PRKN: variants seen among roughly 807,000 people sequenced by gnomAD.
PRKN encodes the protein parkin RBR E3 ubiquitin protein ligase.
Under a neutral mutation model 59.5 loss-of-function variants are expected in PRKN, and 56 were observed. The observed-to-expected ratio is 0.94, with a 90% CI of 0.76 to 1.18. The LOEUF (loss-of-function observed/expected upper bound fraction) is 1.18, where lower values mean the gene tolerates loss of function less well. PRKN is among the 50% of genes most tolerant of loss of function. PRKN has a pLI of 0.00. For missense variants in PRKN, 657 were observed against 596.4 expected, an observed-to-expected ratio of 1.10 and a Z score of -1.06; for synonymous variants, 250 against 222.1, an observed-to-expected ratio of 1.13 and a Z score of -1.12.
At chr6:162,183,038 A>C (rs1783866532) in intron 4 of PRKN, among the ~76,000 whole-genome samples, 1 of 152,152 alleles carries the variant, frequency 6.6e-6, no homozygotes, top group Non-Finnish European at 1.5e-5. Flanking sequence ...CTATAAATGT[A>C]AGGATACTTG....
chr6:161,917,037 C>T (rs551416607), intron 6 of PRKN, among the ~76,000 whole-genome samples: 2 of 152,124 alleles, frequency 1.3e-5, no homozygotes, highest in Admixed American at 6.5e-5. Flanking sequence ...CTCCTGACCT[C>T]GTGATCCGTC....
intron 4 of PRKN, among the ~76,000 whole-genome samples, chr6:162,167,699 T>C (rs1783056010): frequency 6.6e-6 from 1 of 152,052 alleles, no homozygotes; most frequent in Non-Finnish European, 1.5e-5. Context: ...GGAGCCATTG[T>C]TCCTCAGGGA....
chr6:162,124,171 T>C (rs1266505100), intron 4 of PRKN, among the ~76,000 whole-genome samples: 1 of 152,168 alleles, frequency 6.6e-6, no homozygotes, highest in African/African-American at 2.4e-5. Context: ...AAAAGTCCCA[T>C]CTGTGAGCTT....
At chr6:161,692,096 A>T (rs1785819759) in intron 7 of PRKN, among the ~76,000 whole-genome samples, 1 of 152,224 alleles carries the variant, frequency 6.6e-6, no homozygotes, top group Non-Finnish European at 1.5e-5. Context: ...GAAAATGGAA[A>T]TAAAGATGCA....
chr6:161,940,100 T>C (rs1373867232), intron 6 of PRKN, among the ~76,000 whole-genome samples: 1 of 152,106 alleles, frequency 6.6e-6, no homozygotes, highest in African/African-American at 2.4e-5. Flanking sequence ...TTCTCCATGT[T>C]GGTCAGGCTG....
intron 9 of PRKN, among the ~76,000 whole-genome samples, chr6:161,441,815 TG>T (rs1789251298): frequency 6.6e-6 from 1 of 152,184 alleles, no homozygotes; most frequent in Non-Finnish European, 1.5e-5. Flanking sequence ...GCCACCTGCC[TG>T]GGGGCTCCTC....
At chr6:161,737,889 C>T (rs1788030846) in intron 7 of PRKN, among the ~76,000 whole-genome samples, 1 of 152,186 alleles carries the variant, frequency 6.6e-6, no homozygotes, top group South Asian at 2.1e-4. Context: ...GCATTACATC[C>T]AGCGTATCAC....
At position 161,355,186 on chromosome 6, in the gene PRKN, A is replaced by C. The variant is rs951859396; in HGVS notation, c.1285+4902T>G. Among the ~76,000 whole-genome samples, 10 of 152,190 alleles carry C rather than the reference A, an allele frequency of 6.6e-5. No homozygotes were observed. The highest frequency in any genetic ancestry group is 2.4e-4 in the African/African-American group (10 of 41,458). On this transcript the variant is annotated intron_variant, in intron 11 of 11. Coordinates refer to ENST00000366898, the MANE Select transcript of PRKN (RefSeq NM_004562.3). This position sits in a 1 kb window ranked among gnomAD's most constrained non-coding sequence, Gnocchi z 6.8. Reference sequence around the variant, plus strand: ...GCGCGCACACCCGGTGTCTTTGCTCATGCAGTCCTGGGGCCTAGGACGCCT... The same window carrying C: ...GCGCGCACACCCGGTGTCTTTGCTCCTGCAGTCCTGGGGCCTAGGACGCCT...
intron 9 of PRKN, among the ~76,000 whole-genome samples, chr6:161,513,490 C>T (rs974468787): frequency 6.7e-5 from 10 of 150,042 alleles, no homozygotes; most frequent in East Asian, 2.0e-4. Flanking sequence ...GTGATCTGCC[C>T]GCCTCAGTCT....
intron 1 of PRKN, among the ~76,000 whole-genome samples, chr6:162,617,880 T>C (rs543819675): frequency 3.3e-5 from 5 of 152,246 alleles, no homozygotes; most frequent in African/African-American, 9.6e-5. Flanking sequence ...ATTCAGGCAC[T>C]TTCCTAAGGG....
intron 1 of PRKN, among the ~76,000 whole-genome samples, chr6:162,534,046 C>T (rs1465961945): frequency 6.6e-6 from 1 of 151,610 alleles, no homozygotes; most frequent in Non-Finnish European, 1.5e-5. Flanking sequence ...CACAGGCCCA[C>T]ATCATGAAAT....
intron 1 of PRKN, among the ~76,000 whole-genome samples, chr6:162,507,703 A>C (rs1028482898): frequency 6.6e-6 from 1 of 152,146 alleles, no homozygotes; most frequent in Non-Finnish European, 1.5e-5. Flanking sequence ...ATTTTTAATT[A>C]TATTATTTGA....
intron 1 of PRKN, among the ~76,000 whole-genome samples, chr6:162,586,658 A>G (rs1781072869): frequency 6.6e-6 from 1 of 152,232 alleles, no homozygotes; most frequent in Admixed American, 6.5e-5. Context: ...CAGCTGCTGC[A>G]TATTAAATCT....
At chr6:162,717,662 C>T (rs994166237) in intron 1 of PRKN, among the ~76,000 whole-genome samples, 8 of 151,620 alleles carry the variant, frequency 5.3e-5, no homozygotes, top group Non-Finnish European at 7.4e-5. Flanking sequence ...TGTGGTAATT[C>T]GTTACAGCAA....
chr6:161,422,935 C>G lies in PRKN; in HGVS notation c.1084-36058G>C, dbSNP rs145375927. Among the ~76,000 whole-genome samples the G allele has an allele frequency of 7.9e-3, 1,202 of 152,278 alleles. 17 individuals carry two copies. Among genetic ancestry groups the G allele is most frequent in the African/African-American group, 0.028 (1,157 of 41,542 alleles). On this transcript the variant is annotated intron_variant, in intron 9 of 11. Coordinates refer to ENST00000366898, the MANE Select transcript of PRKN (RefSeq NM_004562.3). ...CCTTTTCTAGGGCTGACATCGACTG[C>G]CACATCACTCACAGCATGTGGACCA...
chr6:161,421,435 A>G (rs1175031666), intron 9 of PRKN, among the ~76,000 whole-genome samples: 2 of 152,186 alleles, frequency 1.3e-5, no homozygotes, highest in African/African-American at 2.4e-5. Flanking sequence ...GGTCAGAACC[A>G]ATGTCCTGAG....
chr6:162,472,589 G>A (rs1478965056), intron 1 of PRKN, among the ~76,000 whole-genome samples: 6 of 130,258 alleles, frequency 4.6e-5, no homozygotes, highest in Non-Finnish European at 6.7e-5. Flanking sequence ...CCGGGTTCAC[G>A]CCATTCTCCT....
chr6:162,301,140 T>G (rs1162495579), intron 2 of PRKN, among the ~76,000 whole-genome samples: 1 of 152,128 alleles, frequency 6.6e-6, no homozygotes, highest in African/African-American at 2.4e-5. Flanking sequence ...ATGCAAAAAC[T>G]TTTTTAAACC....
chr6:161,819,568 C>A (rs1393201392), intron 6 of PRKN, among the ~76,000 whole-genome samples: 1 of 152,132 alleles, frequency 6.6e-6, no homozygotes, highest in Non-Finnish European at 1.5e-5. Context: ...CTAAATGTTT[C>A]TTGTATCTCT....
Sources: allele counts gnomAD v4.1 joint callset (sites outside exome capture counted in the v4.1 genomes callset), GRCh38; gene constraint gnomAD v4.1.1; non-coding constraint Gnocchi (gnomAD v3.1); transcripts MANE v1.5; gene names NCBI Gene and HGNC (gene_info 2026-07-23, HGNC 2026-07-21).